Variants in PRKCB observed in about 807,000 individuals in gnomAD.
PRKCB encodes the protein protein kinase C beta, also known as protein kinase C beta type.
In PRKCB, 13 loss-of-function variants were observed where a neutral mutation model predicts 81.5. That is an observed-to-expected ratio of 0.16 (90% confidence interval 0.10 to 0.25). The LOEUF is 0.25. PRKCB is among the 10% of genes least tolerant of loss of function. The pLI is 1.00. For synonymous variants in PRKCB, 335 were observed against 321.4 expected, an observed-to-expected ratio of 1.04 and a Z score of -0.45; for missense variants, 509 against 875.7, an observed-to-expected ratio of 0.58 and a Z score of 5.29.
chr16:24,009,742 G>C (rs1007398417), intron 3 of PRKCB, among the ~76,000 whole-genome samples: 1 of 151,986 alleles, frequency 6.6e-6, no homozygotes, highest in Non-Finnish European at 1.5e-5. Context: ...GGCTGGGCCC[G>C]GTGGCTCACA....
At chr16:23,906,290 G>GA (rs1963559646) in intron 2 of PRKCB, among the ~76,000 whole-genome samples, 1 of 151,602 alleles carries the variant, frequency 6.6e-6, no homozygotes, top group African/African-American at 2.4e-5. Flanking sequence ...TTGCTTATGA[G>GA]AACATTTTTA....
intron 2 of PRKCB, among the ~76,000 whole-genome samples, chr16:23,965,319 T>C (rs1253217082): frequency 1.3e-5 from 2 of 152,216 alleles, no homozygotes. Flanking sequence ...GCAAAGAGCA[T>C]GGTTTCATTC....
At chr16:23,937,406 T>C (rs191943879) in intron 2 of PRKCB, among the ~76,000 whole-genome samples, 2 of 152,240 alleles carry the variant, frequency 1.3e-5, no homozygotes, top group Admixed American at 1.3e-4. Context: ...CATTGCAAGC[T>C]CAATAATGCC....
Position 24,217,971 on chromosome 16 carries a change from C to T in PRKCB, c.*3155C>T. The T allele has an allele frequency of 5.1e-6, 5 of 985,286 alleles. No individual in the cohort carries two copies. The highest frequency in any genetic ancestry group is 6.0e-6 in the Non-Finnish European group (5 of 829,912). 61.0% of individuals were successfully genotyped at this position (985,286 alleles called of 1,614,324 possible). A position where few individuals can be genotyped will look rare whatever the true frequency, so the allele number is the denominator to read the frequency against. Reference sequence around the variant, plus strand: ...TTTTGCCTCAGAGTAAAGTTTCTGGCTCGGGGACAATTATAAGTTGCAAAA... The same window carrying T: ...TTTTGCCTCAGAGTAAAGTTTCTGGTTCGGGGACAATTATAAGTTGCAAAA... On this transcript the variant is annotated 3_prime_UTR_variant, in exon 17 of 17. Coordinates refer to ENST00000643927, the MANE Select transcript of PRKCB (RefSeq NM_002738.7).
intron 5 of PRKCB, among the ~76,000 whole-genome samples, chr16:24,043,427 T>A (rs1368050969): frequency 2.0e-5 from 3 of 152,188 alleles, no homozygotes; most frequent in Non-Finnish European, 4.4e-5. Flanking sequence ...GCTTTTTTTT[T>A]AGTATTGTTG....
chr16:23,886,867 C>T (rs1963212108), intron 2 of PRKCB, among the ~76,000 whole-genome samples: 2 of 152,122 alleles, frequency 1.3e-5, no homozygotes, highest in African/African-American at 4.8e-5. Flanking sequence ...GGTGCATGTC[C>T]CTCCTTCCCA....
intron 12 of PRKCB, 85 bp from the exon 13 acceptor site, chr16:24,180,705 G>A: frequency 6.7e-7 from 1 of 1,496,600 alleles, no homozygotes; most frequent in Non-Finnish European, 9.2e-7. Context: ...ACCTAACACA[G>A]TGTTTTATGC....
At chr16:24,080,713 CA>C (rs147711043) in intron 5 of PRKCB, among the ~76,000 whole-genome samples, 1,675 of 152,108 alleles carry the variant, frequency 0.011, 35 homozygotes, top group African/African-American at 0.039. Flanking sequence ...CGGAAACTAA[CA>C]AACAAACTTC....
At chr16:23,882,021 T>TTCTTTCTTCCTTCCTTC (rs1555481692) in intron 2 of PRKCB, among the ~76,000 whole-genome samples, 5 of 55,592 alleles carry the variant, frequency 9.0e-5, no homozygotes, top group African/African-American at 2.4e-4. Context: ...TTTCTTTCTT[T>TTCTTTCTTCCTTCCTTC]CTTCCTTCCT....
intron 3 of PRKCB, among the ~76,000 whole-genome samples, chr16:24,029,032 C>T (rs1019898780): frequency 3.9e-5 from 6 of 152,196 alleles, no homozygotes; most frequent in Admixed American, 3.9e-4. Context: ...CTCAAGCGAT[C>T]TGCCCGCCTC....
chr16:24,131,666 T>C (rs1966853559), intron 9 of PRKCB, among the ~76,000 whole-genome samples: 1 of 152,244 alleles, frequency 6.6e-6, no homozygotes. Context: ...CCCTAAGCAA[T>C]AATATATGTG....
rs556233511 is a variant in PRKCB at position 24,004,493 on chromosome 16, A to G, written c.288+15903A>G. ...CAAGTCTCTACAAAAAAAAAAAAAA[A>G]AAAAAGAAAAAATTAGCCAGGCATG... is the stretch of plus-strand genomic sequence containing the variant. On this transcript the variant is annotated intron_variant, in intron 3 of 16. Transcript: ENST00000643927. Among the ~76,000 whole-genome samples, 329 of 149,846 alleles carry G rather than the reference A, an allele frequency of 2.2e-3. 1 individual carries two copies. The highest frequency in any genetic ancestry group is 7.5e-3 in the African/African-American group (308 of 40,888).
chr16:24,170,357 C>T (rs940066615), intron 10 of PRKCB, among the ~76,000 whole-genome samples: 7 of 152,004 alleles, frequency 4.6e-5, no homozygotes, highest in Admixed American at 6.5e-5. Context: ...AAGAAAAAAG[C>T]CCACAGGCTT....
At chr16:23,859,124 C>A (rs942521124) in intron 2 of PRKCB, among the ~76,000 whole-genome samples, 4 of 152,004 alleles carry the variant, frequency 2.6e-5, no homozygotes, top group Non-Finnish European at 5.9e-5. Context: ...AGAGTGAGAC[C>A]CTCTCTCTAA....
At chr16:24,121,776 A>G (rs1370063267) in intron 8 of PRKCB, among the ~76,000 whole-genome samples, 1 of 152,236 alleles carries the variant, frequency 6.6e-6, no homozygotes, top group Non-Finnish European at 1.5e-5. Flanking sequence ...AAATAATGCA[A>G]CAATAATAAT....
rs1043867350 is a variant in PRKCB at position 23,986,608 on chromosome 16, C to G, written c.206-1900C>G. ...CACGTATATTTAAACTTATAATGTC[C>G]TATATGCAATTTCTCAATATCAATA... On this transcript the variant is annotated intron_variant, in intron 2 of 16. Transcript: ENST00000643927. Among the ~76,000 whole-genome samples the G allele has an allele frequency of 6.6e-5, 10 of 152,172 alleles. No homozygotes were observed. The East Asian group carries it at 1.9e-3, about 29-fold the overall frequency.
chr16:24,164,430 A>T (rs1365967781), intron 10 of PRKCB, among the ~76,000 whole-genome samples: 1 of 152,240 alleles, frequency 6.6e-6, no homozygotes, highest in African/African-American at 2.4e-5. Context: ...AATTACCTGA[A>T]GGCACTTGAA....
At chr16:24,045,478 C>T (rs1183294827) in intron 5 of PRKCB, among the ~76,000 whole-genome samples, 2 of 152,176 alleles carry the variant, frequency 1.3e-5, no homozygotes, top group African/African-American at 4.8e-5. Context: ...GTGCCTCTCG[C>T]CTGGCAGGTC....
chr16:24,021,019 T>C (rs1965362068), intron 3 of PRKCB, among the ~76,000 whole-genome samples: 1 of 133,536 alleles, frequency 7.5e-6, no homozygotes, highest in Non-Finnish European at 1.6e-5. Flanking sequence ...TTTCTTTCTT[T>C]CTTTCTTTCT....
Sources: gnomAD v4.1 joint callset for allele counts (sites outside exome capture counted in the v4.1 genomes callset) on GRCh38, gnomAD v4.1.1 for gene constraint, MANE v1.5 for transcripts, NCBI Gene and HGNC (gene_info 2026-07-23, HGNC 2026-07-21) for gene names.